GNAL: variants seen among roughly 807,000 people sequenced by gnomAD.
The protein encoded by GNAL is guanine nucleotide-binding protein G(olf) subunit alpha.
Under a neutral mutation model 55.1 loss-of-function variants are expected in GNAL, and 18 were observed. The ratio of observed to expected loss-of-function variants is 0.33; its 90% CI spans 0.23 to 0.48. The LOEUF (loss-of-function observed/expected upper bound fraction) is 0.48. Among genes scored for constraint, GNAL ranks in the 20% least tolerant of loss-of-function variants. The pLI is 0.99. For missense variants in GNAL, 412 were observed against 614.1 expected, an observed-to-expected ratio of 0.67 and a Z score of 3.48; for synonymous variants, 253 against 237.0, an observed-to-expected ratio of 1.07 and a Z score of -0.62.
intron 8 of GNAL, among the ~76,000 whole-genome samples, chr18:11,867,539 G>T (rs556540313): frequency 5.5e-4 from 84 of 152,162 alleles, no homozygotes; most frequent in African/African-American, 2.0e-3. Flanking sequence ...ATTAGGCCGG[G>T]CGTGGTGGCT....
chr18:11,702,893 A>G (rs2031608502), intron 1 of GNAL, among the ~76,000 whole-genome samples: 1 of 151,876 alleles, frequency 6.6e-6, no homozygotes, highest in South Asian at 2.1e-4. Context: ...TGAGGCGGGT[A>G]GATCACATGA....
intron 1 of GNAL, among the ~76,000 whole-genome samples, chr18:11,707,690 T>A (rs1233928664): frequency 6.6e-6 from 1 of 152,230 alleles, no homozygotes; most frequent in Non-Finnish European, 1.5e-5. Flanking sequence ...TTTTCCTCTT[T>A]ACTTATGAAA....
At chr18:11,851,367 T>C (rs2035858533) in intron 5 of GNAL, 1 of 1,096,076 alleles carries the variant, frequency 9.1e-7, no homozygotes, top group South Asian at 1.8e-5. Context: ...CGCTGGGCTC[T>C]GACGTCACCA....
At chr18:11,845,438 TAAAA>T (rs59734555) in intron 5 of GNAL, among the ~76,000 whole-genome samples, 1 of 148,962 alleles carries the variant, frequency 6.7e-6, no homozygotes, top group African/African-American at 2.5e-5. Context: ...TTCTTGAAAA[TAAAA>T]AAAAAAGTAG....
At position 11,879,213 on chromosome 18, in the gene GNAL, A is replaced by G. The variant is rs58953412; in HGVS notation, c.1231-1776A>G. 8.5e-3 allele frequency among the ~76,000 whole-genome samples: 1,297 copies of G among 151,842 alleles called. 19 individuals carry two copies. Among genetic ancestry groups the G allele is most frequent in the African/African-American group, 0.029 (1,185 of 41,338 alleles). ...GCCTGACTATTGCTAAAATAGGTCT[A>G]TCCCCGTGAGGAGTTTCATACCTCA... On this transcript the variant is annotated intron_variant, in intron 11 of 11. Coordinates refer to ENST00000334049, the MANE Select transcript of GNAL (RefSeq NM_182978.4).
chr18:11,829,073 A>G, intron 5 of GNAL, among the ~76,000 whole-genome samples: 1 of 152,228 alleles, frequency 6.6e-6, no homozygotes, highest in Non-Finnish European at 1.5e-5. Flanking sequence ...TTTTAGATTT[A>G]TTCCTTCAAA....
chr18:11,884,490 A>G lies in GNAL; in HGVS notation c.*3355A>G, dbSNP rs1320754121. 1 of 1,614,146 alleles carries G rather than the reference A, an allele frequency of 6.2e-7. No homozygotes were observed. The highest frequency in any genetic ancestry group is 1.1e-5 in the South Asian group (1 of 91,084). ...CGAGCAAGTTCAAACCAGAAAGAAA[A>G]GGTGAGGCTAGAAGCCCAAAGTGAG... On this transcript the variant is annotated 3_prime_UTR_variant, in exon 12 of 12. Coordinates refer to ENST00000334049, the MANE Select transcript of GNAL (RefSeq NM_182978.4).
intron 6 of GNAL, among the ~76,000 whole-genome samples, chr18:11,864,086 CTTT>C (rs3981355): frequency 4.6e-5 from 6 of 129,036 alleles, no homozygotes; most frequent in East Asian, 2.2e-4. Flanking sequence ...CGTCTGAGTT[CTTT>C]TTTTTTTTTT....
chr18:11,837,239 A>G (rs148418727), intron 5 of GNAL, among the ~76,000 whole-genome samples: 273 of 152,236 alleles, frequency 1.8e-3, no homozygotes, highest in African/African-American at 5.9e-3. Context: ...GGCCTCCCAA[A>G]GTGCTGGGAT....
chr18:11,802,155 G>A (rs970809583), intron 4 of GNAL, among the ~76,000 whole-genome samples: 1 of 152,046 alleles, frequency 6.6e-6, no homozygotes, highest in Non-Finnish European at 1.5e-5. Context: ...AGCAAAAAGC[G>A]ATAAAATAAA....
chr18:11,787,698 C>A (rs2034098946), intron 4 of GNAL, among the ~76,000 whole-genome samples: 2 of 152,102 alleles, frequency 1.3e-5, no homozygotes, highest in Admixed American at 6.5e-5. Flanking sequence ...CACAGTGAAA[C>A]CCCATCTCTA....
intron 1 of GNAL, among the ~76,000 whole-genome samples, chr18:11,697,099 C>G (rs1567988905): frequency 6.6e-6 from 1 of 152,208 alleles, no homozygotes; most frequent in South Asian, 2.1e-4. Flanking sequence ...ATAATGAGAT[C>G]GCACATCCTA....
intron 1 of GNAL, among the ~76,000 whole-genome samples, chr18:11,695,909 T>TGCACGCACGCAC (rs1180843452): frequency 9.8e-5 from 11 of 111,694 alleles, no homozygotes; most frequent in African/African-American, 3.5e-4. Flanking sequence ...TGCTCAGACA[T>TGCACGCACGCAC]GCATGCACGC....
At chr18:11,865,382 C>T (rs999544007) in intron 7 of GNAL, among the ~76,000 whole-genome samples, 8 of 149,378 alleles carry the variant, frequency 5.4e-5, no homozygotes, top group African/African-American at 1.3e-4. Flanking sequence ...CTTTTCCTGC[C>T]GTAGCGCTTC....
At chr18:11,832,947 G>C (rs977748012) in intron 5 of GNAL, among the ~76,000 whole-genome samples, 1 of 152,022 alleles carries the variant, frequency 6.6e-6, no homozygotes, top group African/African-American at 2.4e-5. Flanking sequence ...TGTATATACT[G>C]TTGAACTTAT....
At chr18:11,716,358 G>T (rs1422086320) in intron 1 of GNAL, among the ~76,000 whole-genome samples, 3 of 152,140 alleles carry the variant, frequency 2.0e-5, no homozygotes, top group African/African-American at 4.8e-5. Flanking sequence ...GGCTTCAGGA[G>T]TGAAGCTGCA....
In GNAL at chr18:11,752,303, C is replaced by G. The variant is rs2032871772; in HGVS notation, c.377-550C>G. ...ACGCCTGCTCTGAATCGGAAAACAC[C>G]GAAGAGACCAGACCATCTCTTTCAG... is the stretch of plus-strand genomic sequence containing the variant. On this transcript the variant is annotated intron_variant, in intron 1 of 11. Coordinates refer to ENST00000334049, the MANE Select transcript of GNAL (RefSeq NM_182978.4). The surrounding 1 kb of genome is among the most constrained non-coding windows in gnomAD (Gnocchi z 4.5). The G allele has an allele frequency of 5.5e-6, 8 of 1,449,506 alleles. No homozygotes were observed. The South Asian group carries it at 1.1e-4, about 20-fold the overall frequency. 89.8% of individuals were successfully genotyped at this position (1,449,506 alleles called of 1,614,324 possible). A position where few individuals can be genotyped will look rare whatever the true frequency, so the allele number is the denominator to read the frequency against.
intron 4 of GNAL, among the ~76,000 whole-genome samples, chr18:11,821,909 G>C (rs1268294320): frequency 6.6e-6 from 1 of 152,276 alleles, no homozygotes; most frequent in East Asian, 1.9e-4. Flanking sequence ...GGCGAGGCCA[G>C]GCCGGCATCC....
chr18:11,692,121 A>G (rs932739216), intron 1 of GNAL, among the ~76,000 whole-genome samples: 1 of 152,208 alleles, frequency 6.6e-6, no homozygotes, highest in East Asian at 1.9e-4. Flanking sequence ...GTAAGGAAGA[A>G]TAGTTGTTCA....
Sources: gnomAD v4.1 joint callset for allele counts (sites outside exome capture counted in the v4.1 genomes callset) on GRCh38, gnomAD v4.1.1 for gene constraint, Gnocchi (gnomAD v3.1) non-coding constraint, MANE v1.5 for transcripts, NCBI Gene and HGNC (gene_info 2026-07-23, HGNC 2026-07-21) for gene names.